The following USP38 variants were observed in gnomAD, a reference collection of about 807,000 sequenced individuals.
The protein encoded by USP38 is ubiquitin specific peptidase 38.
A neutral mutation model predicts 94.3 loss-of-function variants in USP38; 49 were observed. The observed-to-expected ratio is 0.52, with a 90% confidence interval of 0.41 to 0.66. The LOEUF is 0.66. Among genes scored for constraint, USP38 ranks in the 30% least tolerant of loss-of-function variants. USP38 has a pLI of 0.00. For synonymous variants in USP38, 468 were observed against 463.6 expected (o/e 1.01, Z -0.12); for missense variants, 1,128 against 1,229.4 (o/e 0.92, Z 1.23).
Position 143,185,449 on chromosome 4 carries a change from C to G in USP38, c.-2C>G. On this transcript the variant is annotated 5_prime_UTR_variant, in exon 1 of 10. Transcript: ENST00000307017. ...TGGCCCTGGCCTTGCAGCGTGGCGA[C>G]AATGGACAAGATCCTGGAGGGCCTT... 1 of 1,574,714 alleles carries G rather than the reference C, an allele frequency of 6.4e-7. No individual in the cohort carries two copies. Among genetic ancestry groups the G allele is most frequent in the Non-Finnish European group, 8.6e-7 (1 of 1,157,302 alleles).
At chr4:143,195,950 GTTGTT>G (rs5862623) in intron 3 of USP38, 105 bp downstream of exon 3, 82,114 of 1,107,972 alleles carry the variant, frequency 0.074, 3,724 homozygotes, top group African/African-American at 0.16. Context: ...ATATGTTATT[GTTGTT>G]TTGTTTTGAA....
Position 143,214,439 on chromosome 4 carries a change from T to A in USP38, c.2463T>A (p.Ala821=). ...VDFTDLSENL[A]KKLKPSGTDE... is the part of the protein sequence containing the mutation. ...TCACTGATCTTAGTGAGAACCTTGC[T>A]AAAAAATTAAAGCCTTCAGGGACTG... is the stretch of plus-strand genomic sequence containing the variant. The change falls in exon 9 of 10, where the codon GCT becomes GCA. Residue 821 remains alanine (A), a synonymous_variant. Coordinates refer to ENST00000307017, the MANE Select transcript of USP38 (RefSeq NM_032557.6). 6.2e-7 allele frequency: 1 copy of A among 1,613,720 alleles called. No homozygotes were observed. Among genetic ancestry groups the A allele is most frequent in the South Asian group, 1.1e-5 (1 of 91,052 alleles).
intron 2 of USP38, among the ~76,000 whole-genome samples, chr4:143,193,571 G>C (rs575303617): frequency 6.6e-6 from 1 of 152,282 alleles, no homozygotes; most frequent in Non-Finnish European, 1.5e-5. Flanking sequence ...ATCATTGTTG[G>C]AAAAGGCCAG....
chr4:143,204,084 C>A (rs1267570155), intron 5 of USP38, among the ~76,000 whole-genome samples: 1 of 151,830 alleles, frequency 6.6e-6, no homozygotes, highest in African/African-American at 2.4e-5. Flanking sequence ...TGGATTCAAG[C>A]GATTCTTCCG....
intron 1 of USP38, 130 bp downstream of exon 1, chr4:143,186,262 A>G: frequency 1.1e-6 from 1 of 895,634 alleles, no homozygotes; most frequent in Non-Finnish European, 1.7e-6. Context: ...CTAATACCTC[A>G]TCCCAAATTT....
intron 4 of USP38, among the ~76,000 whole-genome samples, chr4:143,202,237 G>C (rs1332203662): frequency 6.6e-6 from 1 of 152,180 alleles, no homozygotes; most frequent in Non-Finnish European, 1.5e-5. Context: ...ATTAGTACCT[G>C]TGATGGAGGT....
At chr4:143,189,070 G>A (rs909286653) in intron 2 of USP38, among the ~76,000 whole-genome samples, 9 of 151,966 alleles carry the variant, frequency 5.9e-5, no homozygotes, top group African/African-American at 1.9e-4. Context: ...AGACAGGAAG[G>A]GGGACAGGTT....
rs1732353251 is a variant in USP38, at chr4:143,222,629, G to A, written c.*2173G>A. ...TAGTAACACTGAAGAGTATTCAAATGATAACTCATACCAGTACCAAAAACT... is the reference window on the plus strand; with the variant it reads ...TAGTAACACTGAAGAGTATTCAAATAATAACTCATACCAGTACCAAAAACT... On this transcript the variant is annotated 3_prime_UTR_variant, in exon 10 of 10. Coordinates refer to ENST00000307017, the MANE Select transcript of USP38 (RefSeq NM_032557.6). The A allele has an allele frequency of 6.6e-6, 1 of 152,038 alleles. No individual in the cohort carries two copies. The highest frequency in any genetic ancestry group is 2.4e-5 in the African/African-American group (1 of 41,442). 9.4% of individuals were successfully genotyped at this position (152,038 alleles called of 1,614,324 possible). A position where few individuals can be genotyped will look rare whatever the true frequency, so the allele number is the denominator to read the frequency against.
At chr4:143,209,077 CATGAAGATTTG>C (rs1371104645) in intron 6 of USP38, among the ~76,000 whole-genome samples, 9 of 133,098 alleles carry the variant, frequency 6.8e-5, no homozygotes, top group Admixed American at 6.4e-4. Flanking sequence ...TTTTTTATTT[CATGAAGATTTG>C]AAAGAATTTA....
At position 143,203,538 on chromosome 4, in the gene USP38, T is replaced by C. The variant is rs1250740747; in HGVS notation, c.1181T>C (p.Leu394Pro). 1 of 1,612,514 alleles carries C rather than the reference T, an allele frequency of 6.2e-7. No individual in the cohort carries two copies. The highest frequency in any genetic ancestry group is 8.5e-7 in the Non-Finnish European group (1 of 1,179,446). ...MMYHYSGFPD[L>P]YEPILEAIKD... is the part of the protein sequence containing the mutation. ...TATCATTATTCTGGATTTCCAGATC[T>C]CTATGAACCTATTCTGGAGGCAATA... Residue 394 changes from leucine to proline, a missense_variant, in exon 5 of 10, where the codon CTC (leucine) becomes CCC (proline). Leu to Pro is a moderately conservative substitution (Grantham distance 98). Coordinates refer to ENST00000307017, the MANE Select transcript of USP38 (RefSeq NM_032557.6).
chr4:143,220,219 A>G, intron 9 of USP38, 76 bp from the exon 10 acceptor site: 1 of 1,397,060 alleles, frequency 7.2e-7, no homozygotes, highest in Non-Finnish European at 9.5e-7. Context: ...AGGTAGTTTT[A>G]AAATATTTCT....
At position 143,185,952 on chromosome 4, in the gene USP38, T is replaced by C. The variant is rs373775886; in HGVS notation, c.502T>C (p.Cys168Arg). ...IPKGKLSITF[C>R]QQLVRTIGHF... ...CAAGGGGAAATTGTCCATCACGTTC[T>C]GTCAACAGCTGGTTCGAACGATAGG... Residue 168 changes from cysteine to arginine, a missense_variant, in exon 1 of 10, where the codon TGT (cysteine) becomes CGT (arginine). Physicochemically the swap from Cys to Arg is radical, Grantham distance 180. Coordinates refer to ENST00000307017, the MANE Select transcript of USP38 (RefSeq NM_032557.6). The C allele has an allele frequency of 1.9e-6, 3 of 1,614,070 alleles. No individual in the cohort carries two copies. The highest frequency in any genetic ancestry group is 1.1e-5 in the South Asian group (1 of 91,086).
At chr4:143,219,703 C>T (rs1732274361) in intron 9 of USP38, among the ~76,000 whole-genome samples, 14 of 152,016 alleles carry the variant, frequency 9.2e-5, no homozygotes, top group Admixed American at 9.2e-4. Flanking sequence ...ATGAATTTGC[C>T]ATTATTTATT....
chr4:143,190,998 T>C (rs1173119360), intron 2 of USP38, among the ~76,000 whole-genome samples: 1 of 152,152 alleles, frequency 6.6e-6, no homozygotes, highest in Non-Finnish European at 1.5e-5. Flanking sequence ...TATTTTTTTC[T>C]ACGGGGAGTT....
Position 143,213,596 on chromosome 4 carries a change from A to G in USP38, c.1620A>G (p.Glu540=), listed in dbSNP as rs545447785. ...TCTGCTGCAGGCTCCATGAAGAAGA[A>G]AAGATCTTGAAAGTTCAGGCCTCAC... ...RFLLDRLHEE[E]KILKVQASHK... Residue 540 remains glutamate (E), a synonymous_variant, in exon 9 of 10, where the codon GAA becomes GAG. Coordinates refer to ENST00000307017, the MANE Select transcript of USP38 (RefSeq NM_032557.6). 1.2e-6 allele frequency: 2 copies of G among 1,603,640 alleles called. No homozygotes were observed. Among genetic ancestry groups the G allele is most frequent in the East Asian group, 4.5e-5 (2 of 44,706 alleles).
At chr4:143,218,693 G>A (rs192714596) in intron 9 of USP38, among the ~76,000 whole-genome samples, 95 of 152,102 alleles carry the variant, frequency 6.2e-4, no homozygotes, top group African/African-American at 2.2e-3. Flanking sequence ...GTATAAAAAC[G>A]TCTATGCAAG....
intron 1 of USP38, among the ~76,000 whole-genome samples, chr4:143,187,058 C>T (rs562506300): frequency 6.6e-6 from 1 of 152,176 alleles, no homozygotes; most frequent in South Asian, 2.1e-4. Context: ...GAATTACAAA[C>T]GATGTATTTG....
chr4:143,213,178 T>C (rs1478349523), intron 8 of USP38, among the ~76,000 whole-genome samples: 1 of 152,160 alleles, frequency 6.6e-6, no homozygotes, highest in Non-Finnish European at 1.5e-5. Flanking sequence ...TTCTGCTCTG[T>C]GGAATGACTA....
In USP38 at chr4:143,185,344, G is replaced by T. The variant is rs1731180236; in HGVS notation, c.-107G>T. The T allele has an allele frequency of 1.6e-6, 2 of 1,282,512 alleles. No homozygotes were observed. Among genetic ancestry groups the T allele is most frequent in the East Asian group, 2.5e-5 (1 of 40,020 alleles). 79.4% of individuals were successfully genotyped at this position (1,282,512 alleles called of 1,614,324 possible). A position where few individuals can be genotyped will look rare whatever the true frequency, so the allele number is the denominator to read the frequency against. On this transcript the variant is annotated 5_prime_UTR_variant, in exon 1 of 10. Coordinates refer to ENST00000307017, the MANE Select transcript of USP38 (RefSeq NM_032557.6). ...GGTGGCCGTGGCCCGTCGCGCTGCT[G>T]CTGCGGCGCTCCAAGTTCATCTCCG...
Sources: allele counts gnomAD v4.1 joint callset (sites outside exome capture counted in the v4.1 genomes callset), GRCh38; gene constraint gnomAD v4.1.1; transcripts MANE v1.5; gene names NCBI Gene and HGNC (gene_info 2026-07-23, HGNC 2026-07-21).